The following PLEKHA5 variants were observed in gnomAD, a reference collection of about 807,000 sequenced individuals.
PLEKHA5 encodes pleckstrin homology domain-containing family A member 5.
In PLEKHA5, 55 loss-of-function variants were observed where a neutral mutation model predicts 181.9. The observed-to-expected ratio is 0.30, with a 90% confidence interval of 0.24 to 0.38. The LOEUF (loss-of-function observed/expected upper bound fraction) is 0.38, where lower values mean the gene tolerates loss of function less well. PLEKHA5 is among the 10% of genes least tolerant of loss of function. The pLI is 1.00. For synonymous variants in PLEKHA5, 535 were observed against 529.4 expected (o/e 1.01, Z -0.15); for missense variants, 1,432 against 1,549.5 (o/e 0.92, Z 1.27).
At position 19,130,914 on chromosome 12, in the gene PLEKHA5, A is replaced by G. The variant is rs1465823259; in HGVS notation, c.169+784A>G. ...GTGGGCGTGCGAGGGGGTGTCCCGTATGGGGGCACCCGGGCCCTGTTTGGA... is the reference window on the plus strand; with the variant it reads ...GTGGGCGTGCGAGGGGGTGTCCCGTGTGGGGGCACCCGGGCCCTGTTTGGA... On this transcript the variant is annotated intron_variant, in intron 2 of 31. Coordinates refer to ENST00000429027, the MANE Select transcript of PLEKHA5 (RefSeq NM_001256470.2). This position sits in a 1 kb window ranked among gnomAD's most constrained non-coding sequence, Gnocchi z 4.5. 6.6e-6 allele frequency: 1 copy of G among 152,222 alleles called. No individual in the cohort carries two copies. Among genetic ancestry groups the G allele is most frequent in the Non-Finnish European group, 1.5e-5 (1 of 68,106 alleles). The allele number at this position is 152,222 out of a possible 1,614,324, so 9.4% of individuals were successfully genotyped here.
chr12:19,290,690 C>T lies in PLEKHA5; in HGVS notation c.1877C>T (p.Thr626Met), dbSNP rs1207237711. 2 of 1,534,374 alleles carry T rather than the reference C, an allele frequency of 1.3e-6. No homozygotes were observed. Among genetic ancestry groups the T allele is most frequent in the South Asian group, 1.2e-5 (1 of 83,882 alleles). Residue 626 changes from threonine to methionine, a missense_variant, in exon 14 of 32, where the codon ACG becomes ATG. Around this residue, in one of 2 missense-constraint regions of PLEKHA5, gnomAD observed 1,143 missense variants for 1,168.4 expected, o/e 0.98. Transcript: ENST00000429027. The part of the protein sequence containing the change: ...SLQGKTPEEL[T>M]LLLIKLRRQQ... ...GTACTCCTTCAGCCAGAGGAGCTTA[C>T]GCTGCTGCTAATAAAGCTGAGACGG...
chr12:19,346,824 G>A (rs975448349), intron 23 of PLEKHA5, among the ~76,000 whole-genome samples, 170 bp from the exon 24 acceptor site: 3 of 152,058 alleles, frequency 2.0e-5, no homozygotes, highest in African/African-American at 7.2e-5. Flanking sequence ...TCCAATTATT[G>A]GCTATGATAA....
intron 3 of PLEKHA5, among the ~76,000 whole-genome samples, chr12:19,229,878 C>T (rs2060228950): frequency 6.6e-6 from 1 of 152,114 alleles, no homozygotes; most frequent in South Asian, 2.1e-4. Context: ...CACAAAAGTT[C>T]TCTAAGTCCC....
At chr12:19,256,251 A>T (rs2066848853) in intron 5 of PLEKHA5, among the ~76,000 whole-genome samples, 1 of 152,306 alleles carries the variant, frequency 6.6e-6, no homozygotes, top group African/African-American at 2.4e-5. Flanking sequence ...ATTTCCAAAG[A>T]TCAGAAAGTT....
intron 3 of PLEKHA5, among the ~76,000 whole-genome samples, chr12:19,198,844 C>G (rs966195437): frequency 2.0e-5 from 3 of 151,772 alleles, no homozygotes; most frequent in African/African-American, 7.3e-5. Flanking sequence ...AATAGTTATC[C>G]CCATTTTTTT....
chr12:19,186,918 T>C (rs2050000662), intron 3 of PLEKHA5, among the ~76,000 whole-genome samples: 1 of 152,234 alleles, frequency 6.6e-6, no homozygotes, highest in Non-Finnish European at 1.5e-5. Flanking sequence ...GTTTCTGCCC[T>C]CTGGTGGTTG....
At chr12:19,238,996 T>C (rs929297979) in intron 3 of PLEKHA5, among the ~76,000 whole-genome samples, 2 of 152,156 alleles carry the variant, frequency 1.3e-5, no homozygotes, top group African/African-American at 4.8e-5. Context: ...TGTGCTACTC[T>C]TCTTTGTTTG....
chr12:19,224,492 A>G (rs547998972), intron 3 of PLEKHA5, among the ~76,000 whole-genome samples: 1 of 152,272 alleles, frequency 6.6e-6, no homozygotes, highest in Admixed American at 6.5e-5. Flanking sequence ...TCTGCATTTC[A>G]TAGTAAAACA....
At position 19,367,299 on chromosome 12, in the gene PLEKHA5, A is replaced by G. The variant is rs1429561268; in HGVS notation, c.3754+1190A>G. Among the ~76,000 whole-genome samples the G allele has an allele frequency of 2.9e-5, 3 of 103,912 alleles. No individual in the cohort carries two copies. In the South Asian group the frequency reaches 9.3e-4, roughly 32 times the overall value. The allele number at this position is 103,912 out of a possible 152,430, so 68.2% of individuals were successfully genotyped here. On this transcript the variant is annotated intron_variant, in intron 30 of 31. Coordinates refer to ENST00000429027, the MANE Select transcript of PLEKHA5 (RefSeq NM_001256470.2). ...TTTTTTTTTTGAAGCTCTTTCACCC[A>G]GGCTGGAGTGATGTGGCGTGATCTC...
intron 29 of PLEKHA5, among the ~76,000 whole-genome samples, chr12:19,362,512 C>T (rs777313312): frequency 5.3e-5 from 8 of 151,792 alleles, no homozygotes; most frequent in Non-Finnish European, 1.2e-4. Flanking sequence ...CCAGCCTGGG[C>T]GTCAGAGTGA....
intron 15 of PLEKHA5, among the ~76,000 whole-genome samples, chr12:19,296,826 T>TC (rs1290522209): frequency 6.6e-6 from 1 of 152,134 alleles, no homozygotes; most frequent in Non-Finnish European, 1.5e-5. Flanking sequence ...ACTTTTTTGA[T>TC]CCAGGCATGA....
At chr12:19,254,057 A>C (rs778871412) in intron 4 of PLEKHA5, 34 bp downstream of exon 4, 3 of 1,264,498 alleles carry the variant, frequency 2.4e-6, no homozygotes. Context: ...GCCTGTATTC[A>C]AAATTGGGTT....
At chr12:19,309,946 T>A (rs2152978676) in intron 15 of PLEKHA5, among the ~76,000 whole-genome samples, 1 of 152,248 alleles carries the variant, frequency 6.6e-6, no homozygotes, top group South Asian at 2.1e-4. Flanking sequence ...TGATGTACAA[T>A]TTCGAAATTA....
At chr12:19,317,207 A>C (rs1241677988) in intron 16 of PLEKHA5, among the ~76,000 whole-genome samples, 2 of 152,100 alleles carry the variant, frequency 1.3e-5, no homozygotes, top group African/African-American at 4.8e-5. Context: ...TCTCTGCAAA[A>C]TATAAAAAAA....
intron 15 of PLEKHA5, chr12:19,307,113 C>G (rs1475172568): frequency 4.4e-6 from 4 of 918,396 alleles, no homozygotes; most frequent in Non-Finnish European, 5.3e-6. Flanking sequence ...CTGTTGGTCC[C>G]AAGTTGAAGC....
Position 19,335,924 on chromosome 12 carries a change from G to T in PLEKHA5, c.2449-591G>T, listed in dbSNP as rs371796041. Among the ~76,000 whole-genome samples the T allele has an allele frequency of 4.5e-4, 68 of 152,224 alleles. 3 individuals are homozygous for T. The East Asian group carries it at 6.9e-3, about 16-fold the overall frequency. Reference sequence around the variant, plus strand: ...TGAGATTACAGATGTGAGCCACTGCGTCTGGCAGATGATGTATTTTTAAGC... The same window carrying T: ...TGAGATTACAGATGTGAGCCACTGCTTCTGGCAGATGATGTATTTTTAAGC... On this transcript the variant is annotated intron_variant, in intron 20 of 31. Coordinates refer to ENST00000429027, the MANE Select transcript of PLEKHA5 (RefSeq NM_001256470.2).
At chr12:19,208,816 G>A (rs1243852753) in intron 3 of PLEKHA5, among the ~76,000 whole-genome samples, 1 of 152,072 alleles carries the variant, frequency 6.6e-6, no homozygotes, top group East Asian at 1.9e-4. Context: ...TCGAATGTTG[G>A]CCTCAAATAT....
In PLEKHA5 at chr12:19,245,431, A is replaced by G. The variant is rs143175999; in HGVS notation, c.228-8509A>G. ...TTTTGCCGTTGGTTGAATTGGACAT[A>G]GAATCTCATATCTCTGACTAGTGAG... On this transcript the variant is annotated intron_variant, in intron 3 of 31. Coordinates refer to ENST00000429027, the MANE Select transcript of PLEKHA5 (RefSeq NM_001256470.2). Among the ~76,000 whole-genome samples the G allele has an allele frequency of 4.4e-3, 677 of 152,224 alleles. 4 individuals carry two copies. The highest frequency in any genetic ancestry group is 0.016 in the African/African-American group (648 of 41,518).
At chr12:19,285,603 A>G (rs932818496) in intron 12 of PLEKHA5, among the ~76,000 whole-genome samples, 1 of 152,226 alleles carries the variant, frequency 6.6e-6, no homozygotes, top group Non-Finnish European at 1.5e-5. Flanking sequence ...CTAGTAGTGC[A>G]GAAGCGATGG....
Sources: gnomAD v4.1 joint callset for allele counts (sites outside exome capture counted in the v4.1 genomes callset) on GRCh38, gnomAD v4.1.1 for gene constraint, gnomAD v4.1.1 regional missense constraint, Gnocchi (gnomAD v3.1) non-coding constraint, MANE v1.5 for transcripts, NCBI Gene and HGNC (gene_info 2026-07-23, HGNC 2026-07-21) for gene names.